PTPN12: variants seen among roughly 807,000 people sequenced by gnomAD.
PTPN12 encodes tyrosine-protein phosphatase non-receptor type 12.
A neutral mutation model predicts 97.6 loss-of-function variants in PTPN12; 29 were observed. The observed-to-expected ratio is 0.30, with a 90% CI of 0.22 to 0.41. The LOEUF is 0.41. Among genes scored for constraint, PTPN12 ranks in the 10% least tolerant of loss-of-function variants. The probability of loss-of-function intolerance (pLI) is 1.00; values close to 1 mark genes in which losing one functional copy is unlikely to be tolerated. For synonymous variants in PTPN12, 327 were observed against 300.4 expected, an observed-to-expected ratio of 1.09 and a Z score of -0.91; for missense variants, 819 against 926.0, an observed-to-expected ratio of 0.88 and a Z score of 1.50.
chr7:77,618,895 A>G (rs1788842259), intron 12 of PTPN12, among the ~76,000 whole-genome samples: 1 of 152,212 alleles, frequency 6.6e-6, no homozygotes, highest in African/African-American at 2.4e-5. Flanking sequence ...GCTTGCCAAA[A>G]ATTGCATGCA....
At chr7:77,538,473 T>C (rs1379761480) in intron 1 of PTPN12, among the ~76,000 whole-genome samples, 1 of 151,622 alleles carries the variant, frequency 6.6e-6, no homozygotes, top group Admixed American at 6.6e-5. Context: ...ACAATAGTCC[T>C]GGTGGGGCGG....
intron 1 of PTPN12, among the ~76,000 whole-genome samples, chr7:77,567,864 G>C (rs1019885683): frequency 2.6e-5 from 4 of 152,048 alleles, no homozygotes; most frequent in Admixed American, 1.3e-4. Flanking sequence ...CTGAGTAAAG[G>C]TTATTATCTC....
At chr7:77,553,139 G>GGTCTGAGAGCAGACATTGT (rs1405180943) in intron 1 of PTPN12, among the ~76,000 whole-genome samples, 2 of 152,134 alleles carry the variant, frequency 1.3e-5, no homozygotes, top group Non-Finnish European at 2.9e-5. Context: ...GTGCCATTAT[G>GGTCTGAGAGCAGACATTGT]GTCTGAGAGC....
chr7:77,544,954 CGTT>C lies in PTPN12; in HGVS notation c.99+7312_99+7314del, dbSNP rs541868362. Among the ~76,000 whole-genome samples, 11 of 152,202 alleles carry C rather than the reference CGTT, an allele frequency of 7.2e-5. No homozygotes were observed. In the South Asian group the frequency reaches 1.0e-3, roughly 14 times the overall value. On this transcript the variant is annotated intron_variant, in intron 1 of 17. Coordinates refer to ENST00000248594, the MANE Select transcript of PTPN12 (RefSeq NM_002835.4). ...CCTACACAGATGTGCTCACATAACT[CGTT>C]GTATTTTCAGTATCCACTGAAAAAG...
In PTPN12 at chr7:77,627,165, G is replaced by C; in HGVS notation, c.1486G>C (p.Val496Leu). Residue 496 changes from valine to leucine, a missense_variant, in exon 13 of 18, where the codon GTG becomes CTG. Physicochemically the swap from Val to Leu is conservative, Grantham distance 32. Coordinates refer to ENST00000248594, the MANE Select transcript of PTPN12 (RefSeq NM_002835.4). ...NVGDTSQNSC[V>L]DCSVTQSNKV... Reference sequence around the variant, plus strand: ...CGGTGATACTTCCCAGAATTCTTGTGTGGACTGCAGTGTAACACAATCAAA... The same window carrying C: ...CGGTGATACTTCCCAGAATTCTTGTCTGGACTGCAGTGTAACACAATCAAA... The C allele has an allele frequency of 6.2e-7, 1 of 1,614,140 alleles. No homozygotes were observed. Among genetic ancestry groups the C allele is most frequent in the Non-Finnish European group, 8.5e-7 (1 of 1,180,016 alleles).
rs367911220 is a variant in PTPN12 at position 77,608,763 on chromosome 7, C to T, written c.762+1462C>T. 7.8e-4 allele frequency among the ~76,000 whole-genome samples: 118 copies of T among 152,118 alleles called. 2 individuals are homozygous for T. In the South Asian group the frequency reaches 0.022, roughly 29 times the overall value. On this transcript the variant is annotated intron_variant, in intron 9 of 17. Coordinates refer to ENST00000248594, the MANE Select transcript of PTPN12 (RefSeq NM_002835.4). ...CTCTGGGGTTAAATATTTTTTTCCT[C>T]AAAAACTATAATCATCTAATTCTCA...
At chr7:77,562,632 C>T (rs1212662502) in intron 1 of PTPN12, among the ~76,000 whole-genome samples, 3 of 151,866 alleles carry the variant, frequency 2.0e-5, no homozygotes, top group African/African-American at 4.8e-5. Flanking sequence ...GTGGAACCAG[C>T]GATTGCTAAG....
chr7:77,545,696 C>T (rs1807183269), intron 1 of PTPN12: 1 of 151,878 alleles, frequency 6.6e-6, no homozygotes, highest in Non-Finnish European at 1.5e-5. Context: ...AGTTGAGAAT[C>T]ACAGGCCTAT....
chr7:77,543,338 C>T (rs1422904105), intron 1 of PTPN12, among the ~76,000 whole-genome samples: 1 of 111,326 alleles, frequency 9.0e-6, no homozygotes, highest in Non-Finnish European at 1.7e-5. Context: ...GTGCCCCTTC[C>T]ACTGCCTTTT....
At chr7:77,578,316 C>G (rs1317627380) in intron 2 of PTPN12, among the ~76,000 whole-genome samples, 1 of 152,142 alleles carries the variant, frequency 6.6e-6, no homozygotes, top group African/African-American at 2.4e-5. Context: ...TTCTCATTTT[C>G]CAGAGTCATA....
intron 1 of PTPN12, among the ~76,000 whole-genome samples, chr7:77,540,348 C>G (rs1325981067): frequency 6.6e-6 from 1 of 151,740 alleles, no homozygotes; most frequent in Non-Finnish European, 1.5e-5. Context: ...AGCGATTCTC[C>G]TGCCTCAGCC....
chr7:77,611,883 A>C (rs1309521902), intron 11 of PTPN12, among the ~76,000 whole-genome samples: 1 of 152,146 alleles, frequency 6.6e-6, no homozygotes. Flanking sequence ...TGACAAAAAC[A>C]CTGTATTCTC....
rs1788405631 is a variant in PTPN12 at position 77,607,286 on chromosome 7, T to C, written c.747T>C (p.Asn249=). 1 of 1,610,630 alleles carries C rather than the reference T, an allele frequency of 6.2e-7. No homozygotes were observed. The highest frequency in any genetic ancestry group is 1.3e-5 in the African/African-American group (1 of 74,994). Reference sequence around the variant, plus strand: ...TTTGTGCCATAGATTATACGTGGAATTTACTAAAAGCTGGGGTAAGAATAA... The same window carrying C: ...TTTGTGCCATAGATTATACGTGGAACTTACTAAAAGCTGGGGTAAGAATAA... The part of the protein sequence containing the change: ...GAICAIDYTW[N]LLKAGKIPEE... The change falls in exon 9 of 18, where the codon AAT becomes AAC. Residue 249 remains asparagine, a synonymous_variant. Transcript: ENST00000248594.
At chr7:77,584,595 T>A (rs764470076) in intron 4 of PTPN12, among the ~76,000 whole-genome samples, 4 of 152,086 alleles carry the variant, frequency 2.6e-5, no homozygotes, top group Non-Finnish European at 4.4e-5. Context: ...TGTTCTAGAT[T>A]GGCCGCGTGG....
chr7:77,633,486 G>A (rs1278538715), intron 14 of PTPN12, among the ~76,000 whole-genome samples: 3 of 151,866 alleles, frequency 2.0e-5, no homozygotes, highest in African/African-American at 4.8e-5. Context: ...GCATGCACCA[G>A]TAGTCCCAGC....
At chr7:77,565,875 G>A (rs1808235430) in intron 1 of PTPN12, among the ~76,000 whole-genome samples, 1 of 152,204 alleles carries the variant, frequency 6.6e-6, no homozygotes, top group Non-Finnish European at 1.5e-5. Flanking sequence ...TTTGTAATGA[G>A]AGTTTTGCTT....
intron 13 of PTPN12, among the ~76,000 whole-genome samples, chr7:77,629,322 G>A (rs1789316054): frequency 6.6e-6 from 1 of 152,142 alleles, no homozygotes; most frequent in African/African-American, 2.4e-5. Context: ...TTATTTGAAG[G>A]ATCTTTAGAA....
At chr7:77,625,470 T>TCGCTCGCTCGCGCG (rs1491229940) in intron 12 of PTPN12, among the ~76,000 whole-genome samples, 4 of 45,052 alleles carry the variant, frequency 8.9e-5, no homozygotes, top group Non-Finnish European at 1.5e-4. Flanking sequence ...CCCAGGCTGC[T>TCGCTCGCTCGCGCG]CGCTCTCTCT....
chr7:77,620,776 C>T (rs1035871072), intron 12 of PTPN12, among the ~76,000 whole-genome samples: 17 of 151,422 alleles, frequency 1.1e-4, no homozygotes, highest in Non-Finnish European at 5.9e-5. Flanking sequence ...GGTGAAACCC[C>T]GTCTCTACTA....
Sources: allele counts gnomAD v4.1 joint callset (sites outside exome capture counted in the v4.1 genomes callset), GRCh38; gene constraint gnomAD v4.1.1; transcripts MANE v1.5; gene names NCBI Gene and HGNC (gene_info 2026-07-23, HGNC 2026-07-21).